Variants in SUPT3H observed in about 807,000 individuals in gnomAD.
The protein encoded by SUPT3H is SPT3 homolog, SAGA and STAGA complex component.
Under a neutral mutation model 44.3 loss-of-function variants are expected in SUPT3H, and 44 were observed. The ratio of observed to expected loss-of-function variants is 0.99; its 90% confidence interval spans 0.78 to 1.28. The LOEUF is 1.28. SUPT3H is among the 50% of genes most tolerant of loss of function. The probability of loss-of-function intolerance (pLI) is 0.00; values close to 1 mark genes in which losing one functional copy is unlikely to be tolerated. For missense variants in SUPT3H, 380 were observed against 387.1 expected (o/e 0.98, Z 0.15); for synonymous variants, 124 against 125.6 (o/e 0.99, Z 0.09).
chr6:45,019,500 G>A (rs976244751), intron 4 of SUPT3H, among the ~76,000 whole-genome samples: 20 of 152,070 alleles, frequency 1.3e-4, no homozygotes, highest in African/African-American at 3.4e-4. Flanking sequence ...TTATTAGACC[G>A]TAATGCTGCT....
intron 10 of SUPT3H, among the ~76,000 whole-genome samples, chr6:44,891,888 G>C (rs1293585222): frequency 6.6e-6 from 1 of 151,832 alleles, no homozygotes; most frequent in Non-Finnish European, 1.5e-5. Context: ...ATAGGTGGTA[G>C]GTATACAGGT....
At chr6:45,097,184 C>T (rs1797905234) in intron 3 of SUPT3H, among the ~76,000 whole-genome samples, 2 of 152,186 alleles carry the variant, frequency 1.3e-5, no homozygotes, top group African/African-American at 4.8e-5. Context: ...GGGTAGGGAT[C>T]TCAGAGCCCC....
chr6:44,959,043 T>C (rs1343215614), intron 7 of SUPT3H, among the ~76,000 whole-genome samples: 1 of 151,448 alleles, frequency 6.6e-6, no homozygotes, highest in Admixed American at 6.6e-5. Context: ...GCCTGGCTTG[T>C]TTGTTTGTTT....
intron 10 of SUPT3H, among the ~76,000 whole-genome samples, chr6:44,866,980 G>A (rs1472286238): frequency 1.3e-5 from 2 of 152,144 alleles, no homozygotes; most frequent in African/African-American, 4.8e-5. Flanking sequence ...GGAAAGGAGA[G>A]TGAAAGGAAA....
intron 5 of SUPT3H, among the ~76,000 whole-genome samples, chr6:45,011,963 GT>G (rs1424612733): frequency 4.6e-5 from 7 of 151,404 alleles, no homozygotes; most frequent in Non-Finnish European, 1.0e-4. Flanking sequence ...CGGTGGAGAA[GT>G]TTTTTCTTTC....
intron 6 of SUPT3H, among the ~76,000 whole-genome samples, chr6:44,964,138 G>A (rs965119391): frequency 2.6e-5 from 4 of 152,062 alleles, no homozygotes; most frequent in Non-Finnish European, 5.9e-5. Flanking sequence ...AACTACTCAC[G>A]TTTGAATTTC....
chr6:45,132,835 A>G (rs1251452737), intron 2 of SUPT3H, among the ~76,000 whole-genome samples: 2 of 152,222 alleles, frequency 1.3e-5, no homozygotes, highest in African/African-American at 4.8e-5. Flanking sequence ...ATCTAATTCA[A>G]TCCTCATACA....
chr6:45,223,911 C>T (rs1398640488), intron 2 of SUPT3H, among the ~76,000 whole-genome samples: 1 of 150,252 alleles, frequency 6.7e-6, no homozygotes, highest in Admixed American at 6.6e-5. Flanking sequence ...TGTTAAATTA[C>T]AAGTAGAATA....
At chr6:45,056,616 T>C (rs1175062049) in intron 3 of SUPT3H, among the ~76,000 whole-genome samples, 1 of 152,144 alleles carries the variant, frequency 6.6e-6, no homozygotes, top group African/African-American at 2.4e-5. Context: ...AACCAAACAT[T>C]GTATGTTTTC....
At chr6:45,056,234 G>A (rs1206805331) in intron 3 of SUPT3H, among the ~76,000 whole-genome samples, 3 of 152,192 alleles carry the variant, frequency 2.0e-5, no homozygotes, top group Non-Finnish European at 4.4e-5. Context: ...CTGCTGGTGG[G>A]AATGTAAACT....
intron 2 of SUPT3H, among the ~76,000 whole-genome samples, chr6:45,197,299 A>T (rs926668922): frequency 6.6e-6 from 1 of 151,652 alleles, no homozygotes; most frequent in Admixed American, 6.6e-5. Context: ...TGAAATTTTT[A>T]AAATAAATGA....
intron 6 of SUPT3H, among the ~76,000 whole-genome samples, chr6:44,976,519 GC>G (rs2153486692): frequency 6.6e-6 from 1 of 152,074 alleles, no homozygotes; most frequent in East Asian, 1.9e-4. Context: ...CCACAACCAT[GC>G]CTGGCTAATT....
chr6:45,092,218 A>C (rs1431821374), intron 3 of SUPT3H, among the ~76,000 whole-genome samples: 1 of 152,104 alleles, frequency 6.6e-6, no homozygotes, highest in African/African-American at 2.4e-5. Flanking sequence ...AAAAAAACCC[A>C]AAAAACACAT....
At chr6:44,813,109 A>C (rs1766647141) in intron 11 of SUPT3H, among the ~76,000 whole-genome samples, 1 of 152,146 alleles carries the variant, frequency 6.6e-6, no homozygotes, top group Admixed American at 6.5e-5. Flanking sequence ...AATAAAGGCA[A>C]AGCAGAAATA....
chr6:45,163,932 C>T (rs1257620299), intron 2 of SUPT3H, among the ~76,000 whole-genome samples: 14 of 152,240 alleles, frequency 9.2e-5, no homozygotes, highest in Non-Finnish European at 2.9e-5. Flanking sequence ...TTATTATTTG[C>T]AATCCCGTAT....
At chr6:44,883,427 TATC>T (rs781073491) in intron 10 of SUPT3H, among the ~76,000 whole-genome samples, 18 of 152,138 alleles carry the variant, frequency 1.2e-4, no homozygotes, top group Non-Finnish European at 2.1e-4. Context: ...GAATAATCAA[TATC>T]ATGAAAATGG....
chr6:45,322,909 A>C (rs1455522564), intron 2 of SUPT3H: 14 of 1,613,138 alleles, frequency 8.7e-6, no homozygotes, highest in Non-Finnish European at 1.2e-5. Context: ...TGTTCCAAAG[A>C]CCACCATGAG....
chr6:44,989,902 C>T (rs1562211482), intron 6 of SUPT3H, among the ~76,000 whole-genome samples: 2 of 151,948 alleles, frequency 1.3e-5, no homozygotes, highest in Non-Finnish European at 2.9e-5. Flanking sequence ...GTATTAACTC[C>T]TTATCAGATG....
chr6:44,887,463 C>T (rs1762511328), intron 10 of SUPT3H, among the ~76,000 whole-genome samples: 2 of 152,296 alleles, frequency 1.3e-5, no homozygotes, highest in Admixed American at 1.3e-4. Context: ...GATTAAGAAA[C>T]TCACTCAAAA....
Sources: allele counts gnomAD v4.1 joint callset (sites outside exome capture counted in the v4.1 genomes callset), GRCh38; gene constraint gnomAD v4.1.1; transcripts MANE v1.5; gene names NCBI Gene and HGNC (gene_info 2026-07-23, HGNC 2026-07-21).